Variants in DNAH17 observed in about 807,000 individuals in gnomAD.
DNAH17 encodes the protein dynein axonemal heavy chain 17.
In DNAH17, 376 loss-of-function variants were observed where a neutral mutation model predicts 485.6. That is an observed-to-expected ratio of 0.77 (90% confidence interval 0.71 to 0.84). The LOEUF is 0.84. Ranked by LOEUF, DNAH17 falls within the 40% of genes least tolerant of loss-of-function variation. DNAH17 has a pLI of 0.00. For synonymous variants in DNAH17, 3,031 were observed against 2,405.9 expected (o/e 1.26, Z -7.60); for missense variants, 6,370 against 5,839.3 (o/e 1.09, Z -2.96).
At chr17:78,460,511 G>A (rs1465884367) in intron 58 of DNAH17, among the ~76,000 whole-genome samples, 1 of 152,246 alleles carries the variant, frequency 6.6e-6, no homozygotes, top group African/African-American at 2.4e-5. Flanking sequence ...CATAAGAGAG[G>A]CTGCCCCTCC....
intron 37 of DNAH17, 112 bp downstream of exon 37, chr17:78,498,896 G>T: frequency 2.5e-6 from 2 of 798,848 alleles, no homozygotes; most frequent in Non-Finnish European, 1.9e-6. Flanking sequence ...ACCCTTCGGT[G>T]CTTGGAACGT....
intron 25 of DNAH17, among the ~76,000 whole-genome samples, chr17:78,521,557 T>C (rs1025628732): frequency 3.9e-5 from 6 of 151,984 alleles, no homozygotes; most frequent in African/African-American, 7.2e-5. Flanking sequence ...AAATGGCTCA[T>C]AGACAAACAG....
At chr17:78,445,424 C>CG in intron 70 of DNAH17, 134 bp downstream of exon 70, 1 of 1,269,404 alleles carries the variant, frequency 7.9e-7, no homozygotes, top group Non-Finnish European at 1.1e-6. Flanking sequence ...TCCCTATGTG[C>CG]GGGGCCTCCT....
Position 78,449,523 on chromosome 17 carries a change from T to C in DNAH17, c.11102A>G (p.Gln3701Arg). ...CTCGTCCGTCAGGTTGATCACCCGC[T>C]GCTTCACCTCGTTGGCAGGGGTGGT... Reference protein sequence around the residue: ...QRTTPANEVKQRVINLTDEIT... With the variant: ...QRTTPANEVKRRVINLTDEIT... Residue 3701 changes from glutamine (Q) to arginine (R), a missense_variant, in exon 69 of 81, where the codon CAG becomes CGG. Gln to Arg is a conservative substitution (Grantham distance 43). Coordinates refer to ENST00000389840, the MANE Select transcript of DNAH17 (RefSeq NM_173628.4). 6.3e-7 allele frequency: 1 copy of C among 1,599,138 alleles called. No individual in the cohort carries two copies. The highest frequency in any genetic ancestry group is 1.1e-5 in the South Asian group (1 of 88,256).
rs1292522512 is a variant in DNAH17 at position 78,501,146 on chromosome 17, C to T, written c.5483+38G>A. The T allele has an allele frequency of 3.9e-6, 6 of 1,539,926 alleles. No homozygotes were observed. The African/African-American group carries it at 8.2e-5, about 21-fold the overall frequency. On this transcript the variant is annotated intron_variant, in intron 35 of 80. Transcript: ENST00000389840. The stretch of plus-strand genomic sequence containing the variant: ...CCAAGAATCATGCGGAAGGGACCCA[C>T]CAAGAGCACATGTGAGTTACTCAGG...
At chr17:78,532,865 GCTCTTTTTCCAGCC>G in intron 19 of DNAH17, 129 bp from the exon 20 acceptor site, 1 of 1,143,760 alleles carries the variant, frequency 8.7e-7, no homozygotes, top group Non-Finnish European at 1.2e-6. Context: ...ATGATGACCT[GCTCTTTTTCCAGCC>G]TGGGCCGATC....
At position 78,463,016 on chromosome 17, in the gene DNAH17, A is replaced by G; in HGVS notation, c.9002T>C (p.Met3001Thr). The stretch of plus-strand genomic sequence containing the variant: ...CTCAGTAGCCAGGTATACCCTGGAC[A>G]TCTCGTTGACGGTGGTGTGCACGTA... ...MSYVHTTVNE[M>T]SRVYLATERR... The change falls in exon 57 of 81, where the codon ATG (methionine) becomes ACG (threonine). Residue 3001 changes from methionine to threonine, a missense_variant. Physicochemically the swap from Met to Thr is moderately conservative, Grantham distance 81 (BLOSUM62 -1). Transcript: ENST00000389840. 1 of 1,613,906 alleles carries G rather than the reference A, an allele frequency of 6.2e-7. No homozygotes were observed. Among genetic ancestry groups the G allele is most frequent in the Non-Finnish European group, 8.5e-7 (1 of 1,179,874 alleles).
At chr17:78,454,283 C>T (rs2087690407) in intron 64 of DNAH17, among the ~76,000 whole-genome samples, 187 bp downstream of exon 64, 1 of 152,198 alleles carries the variant, frequency 6.6e-6, no homozygotes, top group Admixed American at 6.5e-5. Context: ...GTGATGGGGA[C>T]AGGGGAAGGG....
At chr17:78,554,797 A>G (rs976477981) in intron 14 of DNAH17, among the ~76,000 whole-genome samples, 8 of 152,120 alleles carry the variant, frequency 5.3e-5, no homozygotes, top group Admixed American at 3.3e-4. Flanking sequence ...CCCAGGCTGG[A>G]GTGCAGTGGC....
Position 78,560,748 on chromosome 17 carries a change from T to C in DNAH17, c.2023A>G (p.Ser675Gly), listed in dbSNP as rs1366343367. 1 of 1,550,138 alleles carries C rather than the reference T, an allele frequency of 6.5e-7. No individual in the cohort carries two copies. Among genetic ancestry groups the C allele is most frequent in the Non-Finnish European group, 8.7e-7 (1 of 1,145,790 alleles). Reference protein sequence around the residue: ...AASNLIHVNFSKALVAVLREV... With the variant: ...AASNLIHVNFGKALVAVLREV... Reference sequence around the variant, plus strand: ...CCACTCCTGGCACCCACCGCTTTGCTGAAGTTGACGTGGATGAGGTTGCTA... The same window carrying C: ...CCACTCCTGGCACCCACCGCTTTGCCGAAGTTGACGTGGATGAGGTTGCTA... Residue 675 changes from serine to glycine, a missense_variant, in exon 13 of 81, where the codon AGC becomes GGC. By Grantham distance (56) the Ser-to-Gly change is moderately conservative (BLOSUM62 0). Transcript: ENST00000389840.
rs1486962494 is a variant in DNAH17 at position 78,485,626 on chromosome 17, C to T, written c.7407G>A (p.Leu2469=). The change falls in exon 47 of 81, where the codon CTG becomes CTA. Residue 2469 remains leucine (L), a synonymous_variant. Coordinates refer to ENST00000389840, the MANE Select transcript of DNAH17 (RefSeq NM_173628.4). ...GGTAGTTGTCCGTGTTCAGGCTTTC[C>T]AGCTTGTCCCCCATCAGCACCGACT... ...TGKSVLMGDK[L]ESLNTDNYLV... The T allele has an allele frequency of 3.1e-6, 5 of 1,613,826 alleles. No individual in the cohort carries two copies. In the Middle Eastern group the frequency reaches 4.9e-4, roughly 159 times the overall value.
At chr17:78,526,819 G>C (rs2091090445) in intron 23 of DNAH17, 61 bp downstream of exon 23, 1 of 1,558,296 alleles carries the variant, frequency 6.4e-7, no homozygotes, top group Admixed American at 1.9e-5. Context: ...ATGCCGCAGG[G>C]CCCTGGGTGA....
intron 63 of DNAH17, among the ~76,000 whole-genome samples, chr17:78,455,415 T>C (rs935217751): frequency 1.3e-5 from 2 of 151,852 alleles, no homozygotes; most frequent in Admixed American, 6.6e-5. Context: ...AACCTCCGCC[T>C]CCAAGGTTCA....
chr17:78,437,308 G>A (rs1568048842), intron 74 of DNAH17, among the ~76,000 whole-genome samples: 2 of 152,186 alleles, frequency 1.3e-5, no homozygotes, highest in African/African-American at 2.4e-5. Context: ...CCATTTCCAA[G>A]GACCAGTCAT....
In DNAH17 at chr17:78,444,593, G is replaced by A. The variant is rs536414644; in HGVS notation, c.11528+11C>T. The A allele has an allele frequency of 4.6e-5, 71 of 1,543,980 alleles. No individual in the cohort carries two copies. Among genetic ancestry groups the A allele is most frequent in the Middle Eastern group, 1.7e-4 (1 of 5,876 alleles). On this transcript the variant is annotated intron_variant, in intron 71 of 80. Coordinates refer to ENST00000389840, the MANE Select transcript of DNAH17 (RefSeq NM_173628.4). ...TCGGGGGCGGGGCCCCCGGCGCGGC[G>A]GGACACTCACTTGATAGCGTAGGTC...
Position 78,468,859 on chromosome 17 carries a change from T to C in DNAH17, c.8536A>G (p.Lys2846Glu). 1.2e-6 allele frequency: 2 copies of C among 1,613,848 alleles called. No homozygotes were observed. The highest frequency in any genetic ancestry group is 1.7e-6 in the Non-Finnish European group (2 of 1,179,888). Reference sequence around the variant, plus strand: ...GAGGGAACGTTCTTCACGGCAGCCTTTATGTACTGAGCAGCGAGGTCAATC... The same window carrying C: ...GAGGGAACGTTCTTCACGGCAGCCTCTATGTACTGAGCAGCGAGGTCAATC... ...LKIDLAAQYIKAAVKNVPSVF... is the reference protein window; with the variant it reads ...LKIDLAAQYIEAAVKNVPSVF... The change falls in exon 55 of 81, where the codon AAG becomes GAG. Residue 2846 changes from lysine (K) to glutamate (E), a missense_variant. Physicochemically the swap from Lys to Glu is moderately conservative, Grantham distance 56. Coordinates refer to ENST00000389840, the MANE Select transcript of DNAH17 (RefSeq NM_173628.4).
rs34868091 is a variant in DNAH17, at chr17:78,453,428, C to A, written c.10444G>T (p.Asp3482Tyr). 4 of 1,613,870 alleles carry A rather than the reference C, an allele frequency of 2.5e-6. No homozygotes were observed. The highest frequency in any genetic ancestry group is 3.4e-6 in the Non-Finnish European group (4 of 1,179,870). The change falls in exon 65 of 81, where the codon GAC (aspartate) becomes TAC (tyrosine). Residue 3482 changes from aspartate (D) to tyrosine (Y), a missense_variant. Transcript: ENST00000389840. ...CCGATGTTCTCAATGAGCAAGGTGT[C>A]CCCTTCCGAGATGGCCTGCTCGATG... ...DVIEQAISEGDTLLIENIGET... is the reference protein window; with the variant it reads ...DVIEQAISEGYTLLIENIGET...
In DNAH17 at chr17:78,503,891, G is replaced by A. The variant is rs149046620; in HGVS notation, c.4957-880C>T. On this transcript the variant is annotated intron_variant, in intron 31 of 80. Transcript: ENST00000389840. ...TTAGACAGGAGAATCACTTGAACCC[G>A]AGAAGTGGAGGTTGCAGTGAGCCAA... 3.5e-3 allele frequency among the ~76,000 whole-genome samples: 538 copies of A among 152,024 alleles called. 2 individuals carry two copies. Among genetic ancestry groups the A allele is most frequent in the African/African-American group, 0.012 (490 of 41,488 alleles).
chr17:78,485,434 G>T, intron 47 of DNAH17, 116 bp downstream of exon 47: 5 of 1,005,812 alleles, frequency 5.0e-6, no homozygotes, highest in Non-Finnish European at 5.8e-6. Flanking sequence ...GGCATGGGAA[G>T]TGAGGAGGTG....
Sources: gnomAD v4.1 joint callset for allele counts (sites outside exome capture counted in the v4.1 genomes callset) on GRCh38, gnomAD v4.1.1 for gene constraint, MANE v1.5 for transcripts, NCBI Gene and HGNC (gene_info 2026-07-23, HGNC 2026-07-21) for gene names.